PRR16: variants seen among roughly 807,000 people sequenced by gnomAD.
The protein encoded by PRR16 is protein Largen.
A neutral mutation model predicts 18.2 loss-of-function variants in PRR16; 6 were observed. The ratio of observed to expected loss-of-function variants is 0.33; its 90% CI spans 0.18 to 0.65. The LOEUF is 0.65. Ranked by LOEUF, PRR16 falls within the 30% of genes least tolerant of loss-of-function variation. The probability of loss-of-function intolerance (pLI) is 0.74; values close to 1 mark genes in which losing one functional copy is unlikely to be tolerated. For missense variants in PRR16, 412 were observed against 376.6 expected, an observed-to-expected ratio of 1.09 and a Z score of -0.78; for synonymous variants, 151 against 147.8, an observed-to-expected ratio of 1.02 and a Z score of -0.16.
intron 1 of PRR16, among the ~76,000 whole-genome samples, chr5:120,487,387 G>T (rs552652535): frequency 2.6e-5 from 4 of 152,162 alleles, no homozygotes; most frequent in African/African-American, 9.6e-5. Flanking sequence ...GGATTCCTAG[G>T]TATTTTATTC....
chr5:120,655,589 C>G (rs2150134667), intron 1 of PRR16, among the ~76,000 whole-genome samples: 1 of 151,894 alleles, frequency 6.6e-6, no homozygotes, highest in East Asian at 1.9e-4. Context: ...TATTTCTTTA[C>G]TCAATTTGTC....
At chr5:120,718,646 G>A in the PRR16 span, among the ~76,000 whole-genome samples, 281 of 152,130 alleles carry the variant, frequency 1.8e-3, 1 homozygote, top group African/African-American at 6.4e-3. Context: ...ACTACAATAC[G>A]TAGTTACAAT....
chr5:120,785,575 G>GTTGTTTTTTTTTTTTTTTT, the PRR16 span, among the ~76,000 whole-genome samples: 28 of 115,416 alleles, frequency 2.4e-4, no homozygotes, highest in African/African-American at 5.1e-4. Flanking sequence ...TGTTGTTGTT[G>GTTGTTTTTTTTTTTTTTTT]TTTTTTTTTT....
At chr5:120,615,463 A>C (rs1754479550) in intron 1 of PRR16, among the ~76,000 whole-genome samples, 1 of 148,554 alleles carries the variant, frequency 6.7e-6, no homozygotes, top group East Asian at 2.0e-4. Flanking sequence ...TTCCTTCTGA[A>C]GTATTAAAAT....
intron 1 of PRR16, among the ~76,000 whole-genome samples, chr5:120,586,419 A>G (rs1008966234): frequency 2.0e-5 from 3 of 152,142 alleles, no homozygotes; most frequent in Non-Finnish European, 4.4e-5. Context: ...TTTGTGCTTC[A>G]GTTATTGTGT....
At chr5:120,486,850 C>G (rs1179496597) in intron 1 of PRR16, among the ~76,000 whole-genome samples, 1 of 152,206 alleles carries the variant, frequency 6.6e-6, no homozygotes, top group Non-Finnish European at 1.5e-5. Context: ...GATCCAGTTT[C>G]AGCTTTCTAC....
At chr5:120,748,667 A>T in the PRR16 span, among the ~76,000 whole-genome samples, 1 of 152,144 alleles carries the variant, frequency 6.6e-6, no homozygotes, top group Admixed American at 6.5e-5. Context: ...ATTTGAGCTA[A>T]ACTCAGAGGA....
intron 1 of PRR16, among the ~76,000 whole-genome samples, chr5:120,634,297 T>C (rs914391103): frequency 7.2e-5 from 11 of 152,262 alleles, no homozygotes; most frequent in African/African-American, 2.4e-4. Flanking sequence ...CTCTGAGATA[T>C]AGCAAAAACG....
At chr5:120,754,469 G>GTATATATTATATAATATATAGTATATAT in the PRR16 span, among the ~76,000 whole-genome samples, 1 of 77,502 alleles carries the variant, frequency 1.3e-5, no homozygotes, top group African/African-American at 5.1e-5. Context: ...ATAGTATATA[G>GTATATATTATATAATATATAGTATATAT]TATATATTAT....
At chr5:120,648,361 G>A (rs72794336) in intron 1 of PRR16, among the ~76,000 whole-genome samples, 15,232 of 151,822 alleles carry the variant, frequency 0.1, 1,018 homozygotes, top group South Asian at 0.13. Flanking sequence ...AATAAATAAG[G>A]ATTCAAGCCT....
At chr5:120,496,607 T>C (rs1484569121) in intron 1 of PRR16, among the ~76,000 whole-genome samples, 1 of 152,012 alleles carries the variant, frequency 6.6e-6, no homozygotes, top group Non-Finnish European at 1.5e-5. Flanking sequence ...GTTTTCTTTG[T>C]CGATCTTTTT....
the PRR16 span, among the ~76,000 whole-genome samples, chr5:120,738,601 A>G: frequency 6.6e-6 from 1 of 152,192 alleles, no homozygotes; most frequent in African/African-American, 2.4e-5. Flanking sequence ...GTAAAAACCT[A>G]TGAACATATA....
chr5:120,591,527 T>C (rs896549456), intron 1 of PRR16, among the ~76,000 whole-genome samples: 1 of 151,898 alleles, frequency 6.6e-6, no homozygotes, highest in African/African-American at 2.4e-5. Context: ...ACTCTATACA[T>C]TATAAATTAT....
the PRR16 span, among the ~76,000 whole-genome samples, chr5:120,779,698 C>G: frequency 2.0e-5 from 3 of 152,006 alleles, no homozygotes; most frequent in African/African-American, 7.3e-5. Context: ...GTATTTACAA[C>G]TCTCTGATTG....
intron 1 of PRR16, among the ~76,000 whole-genome samples, chr5:120,618,748 C>G (rs544232001): frequency 6.6e-6 from 1 of 151,212 alleles, no homozygotes. Context: ...TTTTTTGTTT[C>G]CTTTCCTTTT....
At chr5:120,581,006 G>C (rs907913010) in intron 1 of PRR16, among the ~76,000 whole-genome samples, 1 of 152,142 alleles carries the variant, frequency 6.6e-6, no homozygotes, top group Non-Finnish European at 1.5e-5. Flanking sequence ...TTTCTTCCCA[G>C]TTTTAGTATC....
At chr5:120,550,659 A>G (rs1580714479) in intron 1 of PRR16, among the ~76,000 whole-genome samples, 1 of 152,148 alleles carries the variant, frequency 6.6e-6, no homozygotes, top group East Asian at 1.9e-4. Flanking sequence ...TAGAAACAAC[A>G]CTAAGAGGAT....
chr5:120,751,152 A>G, the PRR16 span, among the ~76,000 whole-genome samples: 3 of 152,110 alleles, frequency 2.0e-5, no homozygotes, highest in African/African-American at 7.2e-5. Context: ...GTAGTATTCC[A>G]CTGTATATGA....
chr5:120,657,645 C>T (rs1756027678), intron 1 of PRR16, among the ~76,000 whole-genome samples: 1 of 151,890 alleles, frequency 6.6e-6, no homozygotes, highest in Non-Finnish European at 1.5e-5. Flanking sequence ...AAACAAGTGG[C>T]TTCTCTTCAC....
Sources: allele counts gnomAD v4.1 joint callset (sites outside exome capture counted in the v4.1 genomes callset), GRCh38; gene constraint gnomAD v4.1.1; transcripts MANE v1.5; gene names NCBI Gene and HGNC (gene_info 2026-07-23, HGNC 2026-07-21).